PAM: variants seen among roughly 807,000 people sequenced by gnomAD.
PAM encodes peptidyl-glycine alpha-amidating monooxygenase.
In PAM, 72 loss-of-function variants were observed where a neutral mutation model predicts 122.1. That is an observed-to-expected ratio of 0.59 (90% CI 0.49 to 0.72). PAM has a LOEUF of 0.72. PAM is among the 30% of genes least tolerant of loss of function. The pLI is 0.00. For missense variants in PAM, 1,106 were observed against 1,183.7 expected (o/e 0.93, Z 0.96); for synonymous variants, 389 against 404.4 (o/e 0.96, Z 0.46).
At chr5:102,828,675 A>G (rs144032984) in intron 1 of PAM, among the ~76,000 whole-genome samples, 109 of 152,328 alleles carry the variant, frequency 7.2e-4, no homozygotes, top group Non-Finnish European at 1.1e-3. Context: ...AAGGTGCCCA[A>G]TAAAGTTTAG....
In PAM at chr5:102,844,987, T is replaced by C. The variant is rs116415332; in HGVS notation, c.-373-20836T>C. ...TTGTAGTCAAATTCCTCTCAACCTGTGTTATCCAAAATATCTGGCAGTGCT... is the reference window on the plus strand; with the variant it reads ...TTGTAGTCAAATTCCTCTCAACCTGCGTTATCCAAAATATCTGGCAGTGCT... On this transcript the variant is annotated intron_variant, in intron 1 of 25. Coordinates refer to ENST00000438793, the MANE Select transcript of PAM (RefSeq NM_001177306.2). Among the ~76,000 whole-genome samples the C allele has an allele frequency of 6.7e-3, 1,017 of 152,300 alleles. 8 individuals are homozygous for C. The highest frequency in any genetic ancestry group is 0.012 in the Non-Finnish European group (850 of 68,020).
At chr5:102,847,855 C>A (rs1780334031) in intron 1 of PAM, among the ~76,000 whole-genome samples, 1 of 152,186 alleles carries the variant, frequency 6.6e-6, no homozygotes, top group Admixed American at 6.5e-5. Context: ...CCTACAATTT[C>A]TTCCATTGTG....
intron 1 of PAM, among the ~76,000 whole-genome samples, chr5:102,855,641 T>C (rs1235718971): frequency 6.6e-6 from 1 of 152,128 alleles, no homozygotes; most frequent in Non-Finnish European, 1.5e-5. Flanking sequence ...TCTGAAGTCG[T>C]TGGAAAGCAT....
rs556777601 is a variant in PAM, at chr5:102,831,563, T to G, written c.-373-34260T>G. Reference sequence around the variant, plus strand: ...CAAAACATGCTAATATCCATGTGTGTGAAATATAAATATGTTTATCAATAG... The same window carrying G: ...CAAAACATGCTAATATCCATGTGTGGGAAATATAAATATGTTTATCAATAG... On this transcript the variant is annotated intron_variant, in intron 1 of 25. Transcript: ENST00000438793. Among the ~76,000 whole-genome samples, 3 of 152,158 alleles carry G rather than the reference T, an allele frequency of 2.0e-5. No individual in the cohort carries two copies. In the South Asian group the frequency reaches 6.2e-4, roughly 32 times the overall value.
intron 7 of PAM, among the ~76,000 whole-genome samples, chr5:102,940,149 C>T (rs1291537337): frequency 4.1e-5 from 6 of 146,896 alleles, no homozygotes; most frequent in African/African-American, 1.3e-4. Flanking sequence ...CACACACACA[C>T]ATACACACAC....
At chr5:102,979,030 T>TCTCA (rs1323426493) in intron 15 of PAM, among the ~76,000 whole-genome samples, 62 of 147,922 alleles carry the variant, frequency 4.2e-4, no homozygotes, top group African/African-American at 1.5e-3. Context: ...TTATTCTGCA[T>TCTCA]CACACACACA....
intron 15 of PAM, among the ~76,000 whole-genome samples, chr5:102,977,583 A>C (rs960180767): frequency 2.0e-5 from 3 of 151,866 alleles, no homozygotes; most frequent in African/African-American, 7.3e-5. Context: ...AGAGGTTTTC[A>C]AACTGTTGTT....
In PAM at chr5:103,025,348, G is replaced by A. The variant is rs1334301531; in HGVS notation, c.2689+14G>A. 1 of 1,606,986 alleles carries A rather than the reference G, an allele frequency of 6.2e-7. No homozygotes were observed. The highest frequency in any genetic ancestry group is 1.1e-5 in the South Asian group (1 of 90,928). On this transcript the variant is annotated intron_variant, in intron 24 of 25. Transcript: ENST00000438793. ...GGGCCTTTGGAGGCAAGTAAAATGA[G>A]CCCCGTGAACTTGGAACCTGCCTTT...
intron 7 of PAM, among the ~76,000 whole-genome samples, chr5:102,936,646 G>C (rs185360246): frequency 1.3e-5 from 2 of 152,156 alleles, no homozygotes; most frequent in Non-Finnish European, 2.9e-5. Flanking sequence ...AGCTTATATG[G>C]AGTTAATAAT....
At chr5:102,790,013 A>G (rs565335895) in intron 1 of PAM, among the ~76,000 whole-genome samples, 30 of 152,226 alleles carry the variant, frequency 2.0e-4, no homozygotes, top group African/African-American at 6.7e-4. Flanking sequence ...TGATTTGCCC[A>G]TATTTAAAAA....
chr5:102,840,422 A>ATG (rs1392778729), intron 1 of PAM, among the ~76,000 whole-genome samples: 1 of 152,192 alleles, frequency 6.6e-6, no homozygotes, highest in Non-Finnish European at 1.5e-5. Flanking sequence ...TCTTACAGCA[A>ATG]TGATAATTTG....
intron 16 of PAM, among the ~76,000 whole-genome samples, chr5:102,992,831 A>G (rs1016763034): frequency 2.0e-5 from 3 of 152,152 alleles, no homozygotes; most frequent in East Asian, 1.9e-4. Context: ...TGTAGGTTCT[A>G]TAAGACCAGG....
chr5:102,931,719 A>G (rs555822174), intron 7 of PAM, among the ~76,000 whole-genome samples: 3 of 152,268 alleles, frequency 2.0e-5, no homozygotes, highest in Admixed American at 2.0e-4. Flanking sequence ...TTGGATTGTC[A>G]AGACTTCCAA....
intron 3 of PAM, among the ~76,000 whole-genome samples, chr5:102,879,200 G>T (rs1790198584): frequency 6.6e-6 from 1 of 152,094 alleles, no homozygotes; most frequent in Non-Finnish European, 1.5e-5. Context: ...AGAGTGCTGG[G>T]AGATTACAGG....
intron 16 of PAM, among the ~76,000 whole-genome samples, chr5:103,001,335 T>C (rs1229854577): frequency 1.3e-5 from 2 of 152,136 alleles, no homozygotes; most frequent in African/African-American, 4.8e-5. Context: ...TTTCCCATAA[T>C]TTAATAATAC....
chr5:102,965,736 T>C (rs1763899089), intron 14 of PAM, among the ~76,000 whole-genome samples: 1 of 152,098 alleles, frequency 6.6e-6, no homozygotes, highest in East Asian at 1.9e-4. Flanking sequence ...ATGACAAAAA[T>C]ATAATTTATT....
At position 102,946,846 on chromosome 5, in the gene PAM, A is replaced by C; in HGVS notation, c.536A>C (p.Lys179Thr). The change falls in exon 8 of 26, where the codon AAG (lysine) becomes ACG (threonine). Residue 179 changes from lysine (K) to threonine (T), a missense_variant. Around this residue, in one of 3 missense-constraint regions of PAM, gnomAD observed 670 missense variants for 690.3 expected, o/e 0.97. Transcript: ENST00000438793. Reference sequence around the variant, plus strand: ...CTATGTGTGTTTTCAGATAATAACAAGGACTGTTCTGGTGTGTCCTTACAC... The same window carrying C: ...CTATGTGTGTTTTCAGATAATAACACGGACTGTTCTGGTGTGTCCTTACAC... ...GDISAFRDNN[K>T]DCSGVSLHLT... is the part of the protein sequence containing the mutation. 1 of 1,595,126 alleles carries C rather than the reference A, an allele frequency of 6.3e-7. No individual in the cohort carries two copies. The highest frequency in any genetic ancestry group is 8.6e-7 in the Non-Finnish European group (1 of 1,163,710).
chr5:102,987,069 G>C (rs572304879), intron 15 of PAM, among the ~76,000 whole-genome samples: 1 of 152,248 alleles, frequency 6.6e-6, no homozygotes, highest in South Asian at 2.1e-4. Context: ...CAAAGGAAAG[G>C]AAGTCAATCA....
chr5:102,898,311 TC>T (rs1272016801), intron 3 of PAM, among the ~76,000 whole-genome samples: 1 of 151,434 alleles, frequency 6.6e-6, no homozygotes, highest in African/African-American at 2.4e-5. Context: ...TTACAGACAG[TC>T]CCCTGGCACC....
Sources: gnomAD v4.1 joint callset for allele counts (sites outside exome capture counted in the v4.1 genomes callset) on GRCh38, gnomAD v4.1.1 for gene constraint, gnomAD v4.1.1 regional missense constraint, MANE v1.5 for transcripts, NCBI Gene and HGNC (gene_info 2026-07-23, HGNC 2026-07-21) for gene names.